MYRF: variants seen among roughly 807,000 people sequenced by gnomAD.
MYRF encodes the protein myelin gene regulatory factor.
Under a neutral mutation model 126.3 loss-of-function variants are expected in MYRF, and 16 were observed. The ratio of observed to expected loss-of-function variants is 0.13; its 90% CI spans 0.09 to 0.19. The LOEUF is 0.19. MYRF is among the 10% of genes least tolerant of loss of function. The pLI, the probability that MYRF is intolerant of heterozygous loss-of-function variation, is 1.00. For synonymous variants in MYRF, 608 were observed against 635.3 expected, an observed-to-expected ratio of 0.96 and a Z score of 0.65; for missense variants, 1,104 against 1,547.0, an observed-to-expected ratio of 0.71 and a Z score of 4.80.
Position 61,777,540 on chromosome 11 carries a change from G to A in MYRF, c.1791+76G>A. On this transcript the variant is annotated intron_variant, in intron 12 of 26. Coordinates refer to ENST00000278836, the MANE Select transcript of MYRF (RefSeq NM_001127392.3). The surrounding 1 kb of genome is among the most constrained non-coding windows in gnomAD (Gnocchi z 8.8). ...GCGGGGGCGGGGCTCCTGGGGAGGG[G>A]GCGTGACTACGCGGAAAGGCGGAGC... The A allele has an allele frequency of 6.7e-7, 1 of 1,499,504 alleles. No homozygotes were observed. The highest frequency in any genetic ancestry group is 9.0e-7 in the Non-Finnish European group (1 of 1,109,174). The allele number at this position is 1,499,504 out of a possible 1,614,324, so 92.9% of individuals were successfully genotyped here. A position where few individuals can be genotyped will look rare whatever the true frequency, so the allele number is the denominator to read the frequency against.
intron 14 of MYRF, 21 bp from the exon 15 acceptor site, chr11:61,779,228 TTGGCCCATGGCCCA>T (rs534400107): frequency 3.7e-4 from 562 of 1,527,396 alleles, no homozygotes; most frequent in East Asian, 1.4e-3. Flanking sequence ...GCCCTCTGTG[TTGGCCCATGGCCCA>T]TGGCCCATGG....
At chr11:61,772,059 C>A in intron 7 of MYRF, 107 bp downstream of exon 7, 1 of 1,469,064 alleles carries the variant, frequency 6.8e-7, no homozygotes, top group African/African-American at 1.4e-5. Flanking sequence ...GCACTCATTT[C>A]ACAGAAGAGC....
Position 61,783,753 on chromosome 11 carries a change from T to A in MYRF, c.3120-98T>A. 1 of 1,394,550 alleles carries A rather than the reference T, an allele frequency of 7.2e-7. No individual in the cohort carries two copies. Among genetic ancestry groups the A allele is most frequent in the Non-Finnish European group, 9.9e-7 (1 of 1,006,906 alleles). The allele number at this position is 1,394,550 out of a possible 1,614,324, so 86.4% of individuals were successfully genotyped here. A position where few individuals can be genotyped will look rare whatever the true frequency, so the allele number is the denominator to read the frequency against. On this transcript the variant is annotated intron_variant, in intron 23 of 26. Transcript: ENST00000278836. This position sits in a 1 kb window ranked among gnomAD's most constrained non-coding sequence, Gnocchi z 4.6. ...GGCTACCCTTGGACACTGTCTCTTC[T>A]GGAGGGCTCCAGTACAGATTGGGGG... is the stretch of plus-strand genomic sequence containing the variant.
At chr11:61,755,649 G>C (rs770211856) in intron 1 of MYRF, 73 of 725,558 alleles carry the variant, frequency 1.0e-4, no homozygotes, top group African/African-American at 7.1e-4. Flanking sequence ...AAGACAGGAG[G>C]GGGTGGCAGA....
At chr11:61,775,848 G>A (rs562773622) in intron 8 of MYRF, among the ~76,000 whole-genome samples, 1 of 151,964 alleles carries the variant, frequency 6.6e-6, no homozygotes, top group African/African-American at 2.4e-5. Context: ...TGCTGTGAGG[G>A]GTGAGGAGGG....
In MYRF at chr11:61,776,149, G is replaced by A; in HGVS notation, c.1388+17G>A. The A allele has an allele frequency of 6.2e-7, 1 of 1,613,724 alleles. No homozygotes were observed. The highest frequency in any genetic ancestry group is 8.5e-7 in the Non-Finnish European group (1 of 1,179,654). Reference sequence around the variant, plus strand: ...CCCGGTCACGTGAGTGTCTGACCCTGTTGGGGGTGGTACCTAGAAGGGTCC... The same window carrying A: ...CCCGGTCACGTGAGTGTCTGACCCTATTGGGGGTGGTACCTAGAAGGGTCC... On this transcript the variant is annotated intron_variant, in intron 9 of 26. Coordinates refer to ENST00000278836, the MANE Select transcript of MYRF (RefSeq NM_001127392.3). This position sits in a 1 kb window ranked among gnomAD's most constrained non-coding sequence, Gnocchi z 4.3.
chr11:61,772,554 C>A (rs957120067), intron 7 of MYRF, among the ~76,000 whole-genome samples: 3 of 152,236 alleles, frequency 2.0e-5, no homozygotes, highest in African/African-American at 7.2e-5. Context: ...TGGGGGAATT[C>A]TTAGCCAGCA....
intron 18 of MYRF, 123 bp from the exon 19 acceptor site, chr11:61,780,589 A>G (rs2066514735): frequency 1.0e-6 from 1 of 980,028 alleles, no homozygotes; most frequent in East Asian, 2.6e-5. Context: ...AAGGAGGGCC[A>G]GGGCAGGGCC....
intron 7 of MYRF, among the ~76,000 whole-genome samples, chr11:61,772,372 C>T (rs2066250647): frequency 6.6e-6 from 1 of 152,212 alleles, no homozygotes; most frequent in Non-Finnish European, 1.5e-5. Context: ...CCTAGCACCC[C>T]CTCAACACCC....
chr11:61,774,067 G>A lies in MYRF; in HGVS notation c.1216G>A (p.Val406Met). ...GAAGAAGAACCACTTCCAGGTGACA[G>A]TGTACATCGGCATGCTGGGCGAGCC... Reference protein sequence around the residue: ...CQKKNHFQVTVYIGMLGEPKY... With the variant: ...CQKKNHFQVTMYIGMLGEPKY... Residue 406 changes from valine (V) to methionine (M), a missense_variant, in exon 8 of 27, where the codon GTG becomes ATG. Physicochemically the swap from Val to Met is conservative, Grantham distance 21. Coordinates refer to ENST00000278836, the MANE Select transcript of MYRF (RefSeq NM_001127392.3). 6.2e-7 allele frequency: 1 copy of A among 1,613,944 alleles called. No homozygotes were observed. Among genetic ancestry groups the A allele is most frequent in the Admixed American group, 1.7e-5 (1 of 60,020 alleles).
At chr11:61,769,816 T>C (rs1235111834) in intron 4 of MYRF, among the ~76,000 whole-genome samples, 1 of 152,014 alleles carries the variant, frequency 6.6e-6, no homozygotes, top group Non-Finnish European at 1.5e-5. Flanking sequence ...GCCTCCCCGC[T>C]CAGGCTGGGG....
At position 61,777,920 on chromosome 11, in the gene MYRF, A is replaced by G; in HGVS notation, c.1903+75A>G. 8.4e-7 allele frequency: 1 copy of G among 1,188,590 alleles called. No homozygotes were observed. The highest frequency in any genetic ancestry group is 1.2e-6 in the Non-Finnish European group (1 of 826,678). The allele number at this position is 1,188,590 out of a possible 1,614,324, so 73.6% of individuals were successfully genotyped here. A position where few individuals can be genotyped will look rare whatever the true frequency, so the allele number is the denominator to read the frequency against. ...GGCCTCAGTGACCTTGCCCCCTGTCACCTGGAAATCCTACTCCTCTTGACT... is the reference window on the plus strand; with the variant it reads ...GGCCTCAGTGACCTTGCCCCCTGTCGCCTGGAAATCCTACTCCTCTTGACT... On this transcript the variant is annotated intron_variant, in intron 13 of 26. Transcript: ENST00000278836. This position sits in a 1 kb window ranked among gnomAD's most constrained non-coding sequence, Gnocchi z 8.8.
chr11:61,777,269 C>T lies in MYRF; in HGVS notation c.1596C>T (p.Ser532=). 1 of 1,612,434 alleles carries T rather than the reference C, an allele frequency of 6.2e-7. No homozygotes were observed. Among genetic ancestry groups the T allele is most frequent in the Non-Finnish European group, 8.5e-7 (1 of 1,179,904 alleles). The part of the protein sequence containing the change: ...QISERIIVRA[S]NPGQFESDSD... ...CCAGCCCCAACTCGCGGTAGGCCTC[C>T]AACCCAGGCCAGTTCGAGAGCGACA... Residue 532 remains serine, a synonymous_variant, in exon 12 of 27, where the codon TCC becomes TCT. Coordinates refer to ENST00000278836, the MANE Select transcript of MYRF (RefSeq NM_001127392.3). The surrounding 1 kb of genome is among the most constrained non-coding windows in gnomAD (Gnocchi z 8.8).
At chr11:61,766,864 G>A in intron 3 of MYRF, 1 of 375,060 alleles carries the variant, frequency 2.7e-6, no homozygotes. Context: ...GGGTCTGCAG[G>A]GGAGCTCAGG....
intron 2 of MYRF, 115 bp from the exon 3 acceptor site, chr11:61,765,843 C>T (rs778069264): frequency 1.7e-4 from 249 of 1,430,388 alleles, no homozygotes; most frequent in Middle Eastern, 4.9e-4. Context: ...CTCCTCGTCC[C>T]TTCCCAGCCA....
intron 25 of MYRF, chr11:61,784,689 A>C (rs1384489425): frequency 6.6e-6 from 2 of 301,916 alleles, no homozygotes; most frequent in Non-Finnish European, 1.3e-5. Flanking sequence ...CTGGGAGCCC[A>C]TGGCGGGGAG....
rs201605632 is a variant in MYRF at position 61,779,882 on chromosome 11, G to T, written c.2288G>T (p.Arg763Leu). 1.2e-6 allele frequency: 2 copies of T among 1,614,072 alleles called. No individual in the cohort carries two copies. The highest frequency in any genetic ancestry group is 1.7e-6 in the Non-Finnish European group (2 of 1,180,014). ...CCGGACCAGGCCTGCATCAGCCAGC[G>T]CTTCCTGCAGGGAACCATCATTGCC... ...VVPDQACISQRFLQGTIIALV... is the reference protein window; with the variant it reads ...VVPDQACISQLFLQGTIIALV... Residue 763 changes from arginine to leucine, a missense_variant, in exon 17 of 27, where the codon CGC becomes CTC. By Grantham distance (102) the Arg-to-Leu change is moderately radical (BLOSUM62 -2). Around this residue, in one of 10 missense-constraint regions of MYRF, gnomAD observed 323 missense variants for 383.1 expected, o/e 0.84. Coordinates refer to ENST00000278836, the MANE Select transcript of MYRF (RefSeq NM_001127392.3).
rs1381142218 is a variant in MYRF at position 61,787,871 on chromosome 11, C to T, written c.*1728C>T. 1.3e-5 allele frequency: 2 copies of T among 152,682 alleles called. No individual in the cohort carries two copies. Among genetic ancestry groups the T allele is most frequent in the East Asian group, 1.9e-4 (1 of 5,244 alleles). 9.5% of individuals were successfully genotyped at this position (152,682 alleles called of 1,614,324 possible). ...GGGTTCATGTTCTTGGACTGCGGGC[C>T]CTCAGTCCTTAACTGGAAAGTGACC... On this transcript the variant is annotated 3_prime_UTR_variant, in exon 27 of 27. Transcript: ENST00000278836.
intron 2 of MYRF, 62 bp from the exon 3 acceptor site, chr11:61,765,896 C>T (rs777185749): frequency 4.2e-5 from 61 of 1,458,826 alleles, no homozygotes; most frequent in Middle Eastern, 2.2e-4. Context: ...AGGGAGGGGG[C>T]GGCTACTTCC....
Sources: allele counts gnomAD v4.1 joint callset (sites outside exome capture counted in the v4.1 genomes callset), GRCh38; gene constraint gnomAD v4.1.1; regional missense constraint gnomAD v4.1.1; non-coding constraint Gnocchi (gnomAD v3.1); transcripts MANE v1.5; gene names NCBI Gene and HGNC (gene_info 2026-07-23, HGNC 2026-07-21).